AUTS2: variants seen among roughly 807,000 people sequenced by gnomAD.
AUTS2 encodes the protein autism susceptibility gene 2 protein.
Under a neutral mutation model 112.4 loss-of-function variants are expected in AUTS2, and 17 were observed. The observed-to-expected ratio is 0.15, with a 90% CI of 0.10 to 0.23. The LOEUF (loss-of-function observed/expected upper bound fraction) is 0.23. AUTS2 is among the 10% of genes least tolerant of loss of function. The probability of loss-of-function intolerance (pLI) is 1.00; values close to 1 mark genes in which losing one functional copy is unlikely to be tolerated. For missense variants in AUTS2, 1,510 were observed against 1,701.6 expected, an observed-to-expected ratio of 0.89 and a Z score of 1.98; for synonymous variants, 751 against 702.7, an observed-to-expected ratio of 1.07 and a Z score of -1.09.
chr7:70,762,860 T>G lies in AUTS2; in HGVS notation c.743-10T>G. The G allele has an allele frequency of 6.3e-7, 1 of 1,599,388 alleles. No homozygotes were observed. The highest frequency in any genetic ancestry group is 8.6e-7 in the Non-Finnish European group (1 of 1,167,128). On this transcript the variant is annotated splice_polypyrimidine_tract_variant and intron_variant, in intron 6 of 18. Coordinates refer to ENST00000342771, the MANE Select transcript of AUTS2 (RefSeq NM_015570.4). ...TGCCTGTGGTTTTGTCTTTGCTCTC[T>G]CCCATGCAGATCCGGAGTTAGGTGT...
At chr7:70,173,746 A>G (rs1353660815) in intron 4 of AUTS2, among the ~76,000 whole-genome samples, 1 of 152,106 alleles carries the variant, frequency 6.6e-6, no homozygotes, top group East Asian at 1.9e-4. Context: ...TTTTATTATA[A>G]TTATAACTGT....
At chr7:70,678,381 G>A (rs180799019) in intron 5 of AUTS2, among the ~76,000 whole-genome samples, 44 of 152,316 alleles carry the variant, frequency 2.9e-4, no homozygotes, top group Admixed American at 9.8e-4. Flanking sequence ...TAACACTGCC[G>A]AACGTACTTC....
intron 4 of AUTS2, among the ~76,000 whole-genome samples, chr7:70,162,149 T>C (rs1009222493): frequency 3.3e-5 from 5 of 152,094 alleles, no homozygotes; most frequent in Admixed American, 1.3e-4. Context: ...TGGATAGATT[T>C]AAGAAATAAA....
chr7:70,185,037 A>G (rs989998683), intron 4 of AUTS2, among the ~76,000 whole-genome samples: 4 of 152,142 alleles, frequency 2.6e-5, no homozygotes, highest in South Asian at 4.1e-4. Flanking sequence ...GCATATCTGC[A>G]TTTGATTTTA....
chr7:70,139,358 G>A (rs1010145799), intron 4 of AUTS2, among the ~76,000 whole-genome samples: 2 of 152,164 alleles, frequency 1.3e-5, no homozygotes, highest in African/African-American at 4.8e-5. Flanking sequence ...CACCAGTGGT[G>A]CTTGCGGCTG....
intron 5 of AUTS2, among the ~76,000 whole-genome samples, chr7:70,691,272 A>G (rs1197276659): frequency 6.6e-6 from 1 of 152,116 alleles, no homozygotes; most frequent in Admixed American, 6.5e-5. Flanking sequence ...TTCTCCTTAG[A>G]TTGGGTTCAG....
At chr7:70,702,780 C>G (rs958359303) in intron 6 of AUTS2, among the ~76,000 whole-genome samples, 4 of 152,146 alleles carry the variant, frequency 2.6e-5, no homozygotes, top group Admixed American at 6.5e-5. Context: ...ACGCAACGCT[C>G]TGGCCACCTG....
intron 1 of AUTS2, among the ~76,000 whole-genome samples, chr7:69,859,110 G>A (rs1290823705): frequency 6.6e-6 from 1 of 152,152 alleles, no homozygotes; most frequent in African/African-American, 2.4e-5. Context: ...CAACATTTAC[G>A]AAATGAAAGC....
At chr7:69,878,348 G>GC (rs1793895342) in intron 1 of AUTS2, among the ~76,000 whole-genome samples, 1 of 152,178 alleles carries the variant, frequency 6.6e-6, no homozygotes, top group Admixed American at 6.5e-5. Flanking sequence ...GCTGTTTTAT[G>GC]ACTGCAACAT....
At chr7:70,223,951 G>A (rs1430235210) in intron 4 of AUTS2, among the ~76,000 whole-genome samples, 5 of 150,534 alleles carry the variant, frequency 3.3e-5, no homozygotes, top group Non-Finnish European at 5.9e-5. Context: ...TCTTACCTCA[G>A]CCTCCCAAGT....
intron 1 of AUTS2, among the ~76,000 whole-genome samples, chr7:69,896,874 A>G (rs746984587): frequency 1.1e-4 from 16 of 152,206 alleles, no homozygotes; most frequent in Non-Finnish European, 1.6e-4. Context: ...GTCAAATAGC[A>G]GTCATTTTCT....
At chr7:69,700,515 A>T (rs1271959782) in intron 1 of AUTS2, among the ~76,000 whole-genome samples, 2 of 152,102 alleles carry the variant, frequency 1.3e-5, no homozygotes, top group East Asian at 3.9e-4. Context: ...CCAAATAAGG[A>T]TGCACATCCA....
At chr7:70,381,936 T>G (rs944902015) in intron 4 of AUTS2, among the ~76,000 whole-genome samples, 7 of 152,184 alleles carry the variant, frequency 4.6e-5, no homozygotes, top group African/African-American at 1.7e-4. Context: ...TACCAAGCAC[T>G]GTTTTATAGG....
At chr7:70,245,550 T>G (rs2129602144) in intron 4 of AUTS2, among the ~76,000 whole-genome samples, 1 of 152,338 alleles carries the variant, frequency 6.6e-6, no homozygotes, top group Non-Finnish European at 1.5e-5. Flanking sequence ...TGCTGAGAAT[T>G]GACTGTGTTG....
At chr7:69,832,349 A>G (rs189958932) in intron 1 of AUTS2, among the ~76,000 whole-genome samples, 3 of 152,298 alleles carry the variant, frequency 2.0e-5, no homozygotes, top group Non-Finnish European at 2.9e-5. Context: ...TGATGTACCT[A>G]TAGGGACTGG....
intron 5 of AUTS2, among the ~76,000 whole-genome samples, chr7:70,512,064 T>C (rs1799217335): frequency 6.6e-6 from 1 of 152,192 alleles, no homozygotes; most frequent in African/African-American, 2.4e-5. Context: ...CTGGCTGGGA[T>C]GTGGCAGAGA....
chr7:69,806,841 A>G (rs1338197836), intron 1 of AUTS2, among the ~76,000 whole-genome samples: 1 of 152,176 alleles, frequency 6.6e-6, no homozygotes, highest in Non-Finnish European at 1.5e-5. Flanking sequence ...TTCCAAGTTA[A>G]AGAATTGTCA....
At chr7:70,358,584 T>G (rs570321056) in intron 4 of AUTS2, among the ~76,000 whole-genome samples, 1 of 152,232 alleles carries the variant, frequency 6.6e-6, no homozygotes, top group Admixed American at 6.5e-5. Context: ...AACCTGCCTA[T>G]GCAGGCCCTA....
intron 1 of AUTS2, among the ~76,000 whole-genome samples, chr7:69,638,783 A>G (rs1207662205): frequency 6.6e-6 from 1 of 152,246 alleles, no homozygotes; most frequent in Non-Finnish European, 1.5e-5. Flanking sequence ...TCACCTGCCT[A>G]GAAACAAAAG....
Sources: gnomAD v4.1 joint callset for allele counts (sites outside exome capture counted in the v4.1 genomes callset) on GRCh38, gnomAD v4.1.1 for gene constraint, MANE v1.5 for transcripts, NCBI Gene and HGNC (gene_info 2026-07-23, HGNC 2026-07-21) for gene names.